Variants in FABP7 observed in about 807,000 individuals in gnomAD.
FABP7 encodes the protein fatty acid-binding protein, brain.
In FABP7, 13 loss-of-function variants were observed where a neutral mutation model predicts 14.2. That is an observed-to-expected ratio of 0.91 (90% CI 0.59 to 1.45). The LOEUF is 1.45. FABP7 is among the 40% of genes most tolerant of loss of function. The pLI is 0.00. For missense variants in FABP7, 149 were observed against 157.6 expected, an observed-to-expected ratio of 0.95 and a Z score of 0.29; for synonymous variants, 49 against 51.4, an observed-to-expected ratio of 0.95 and a Z score of 0.20.
chr6:122,771,309 A>G, the FABP7 span, among the ~76,000 whole-genome samples: 1 of 152,138 alleles, frequency 6.6e-6, no homozygotes, highest in African/African-American at 2.4e-5. Flanking sequence ...AATTCCCTAT[A>G]TGTTGTCCTG....
At chr6:122,777,845 A>AAAATAAATAAATAAATAAAT (rs56666229), upstream of FABP7, among the ~76,000 whole-genome samples, 10,516 of 143,736 alleles carry the variant, frequency 0.073, 607 homozygotes, top group East Asian at 0.21. Context: ...CCTTTCTCCA[A>AAAATAAATAAATAAATAAAT]AAATAAATAA....
upstream of FABP7, among the ~76,000 whole-genome samples, chr6:122,775,800 G>C (rs989575618): frequency 6.6e-6 from 1 of 151,786 alleles, no homozygotes; most frequent in African/African-American, 2.4e-5. Context: ...AAGGGAAGAC[G>C]TAAGAGATTC....
At chr6:122,774,228 G>A in the FABP7 span, among the ~76,000 whole-genome samples, 1 of 151,880 alleles carries the variant, frequency 6.6e-6, no homozygotes, top group African/African-American at 2.4e-5. Flanking sequence ...TGGGCGTGGT[G>A]GTGCATGCCT....
the FABP7 span, among the ~76,000 whole-genome samples, chr6:122,753,506 A>T: frequency 6.6e-6 from 1 of 151,966 alleles, no homozygotes; most frequent in Non-Finnish European, 1.5e-5. Context: ...CCCATCTGTC[A>T]CCTCAAGATG....
rs1780781149 is a variant in FABP7 at position 122,781,413 on chromosome 6, AAG to A, written c.348+223_348+224del. On this transcript the variant is annotated intron_variant, in intron 3 of 3. Coordinates refer to ENST00000368444, the MANE Select transcript of FABP7 (RefSeq NM_001446.5). ...AGCTCAACTTCTTTGATTGTAGAAAAAGAGAAAAATTCATGTGTAGTTAAAAA... is the reference window on the plus strand; with the variant it reads ...AGCTCAACTTCTTTGATTGTAGAAAAAGAAAAATTCATGTGTAGTTAAAAA... 2.8e-6 allele frequency: 4 copies of A among 1,420,930 alleles called. No homozygotes were observed. The South Asian group carries it at 6.6e-5, about 24-fold the overall frequency. The allele number at this position is 1,420,930 out of a possible 1,614,324, so 88.0% of individuals were successfully genotyped here.
At chr6:122,755,459 A>ATTTTTTTTT in the FABP7 span, among the ~76,000 whole-genome samples, 2 of 131,954 alleles carry the variant, frequency 1.5e-5, no homozygotes, top group African/African-American at 2.8e-5. Context: ...TATGTTTTGT[A>ATTTTTTTTT]TTTTTTTTTT....
chr6:122,771,922 G>A, the FABP7 span, among the ~76,000 whole-genome samples: 4 of 152,318 alleles, frequency 2.6e-5, no homozygotes, highest in African/African-American at 7.2e-5. Flanking sequence ...CACATATCAA[G>A]TGGACTTGAT....
chr6:122,760,140 C>A, the FABP7 span, among the ~76,000 whole-genome samples: 1 of 151,966 alleles, frequency 6.6e-6, no homozygotes, highest in African/African-American at 2.4e-5. Flanking sequence ...ATAATTGTAC[C>A]TATTTAAAGT....
At chr6:122,772,327 A>T in the FABP7 span, among the ~76,000 whole-genome samples, 2 of 152,142 alleles carry the variant, frequency 1.3e-5, no homozygotes, top group Admixed American at 6.6e-5. Flanking sequence ...TGGAATATTT[A>T]AATAATGGGA....
At chr6:122,774,166 A>C in the FABP7 span, among the ~76,000 whole-genome samples, 1 of 152,044 alleles carries the variant, frequency 6.6e-6, no homozygotes, top group African/African-American at 2.4e-5. Flanking sequence ...GTTCGAGACC[A>C]GCCTAGCCAA....
chr6:122,764,233 T>C, the FABP7 span, among the ~76,000 whole-genome samples: 2 of 152,160 alleles, frequency 1.3e-5, no homozygotes, highest in Non-Finnish European at 2.9e-5. Context: ...TTCATGTCCT[T>C]TGTAGGGACA....
the FABP7 span, among the ~76,000 whole-genome samples, chr6:122,761,127 T>C: frequency 6.6e-6 from 1 of 152,186 alleles, no homozygotes; most frequent in Non-Finnish European, 1.5e-5. Context: ...TTTCGTTTGC[T>C]TTGAACTTGA....
chr6:122,751,149 G>A, the FABP7 span, among the ~76,000 whole-genome samples: 1 of 152,184 alleles, frequency 6.6e-6, no homozygotes, highest in Non-Finnish European at 1.5e-5. Flanking sequence ...TTGTCAATTA[G>A]TTCCACTTAC....
the FABP7 span, among the ~76,000 whole-genome samples, chr6:122,755,444 C>T: frequency 1.3e-5 from 2 of 149,460 alleles, no homozygotes; most frequent in South Asian, 2.1e-4. Flanking sequence ...TTCTACTCCT[C>T]CCAATATGTT....
chr6:122,781,806 T>G, intron 3 of FABP7: 4 of 684,376 alleles, frequency 5.8e-6, no homozygotes, highest in Non-Finnish European at 7.2e-6. Flanking sequence ...AGGGGGTGCA[T>G]TCTTGGCTCA....
At chr6:122,755,704 G>A in the FABP7 span, among the ~76,000 whole-genome samples, 8 of 151,900 alleles carry the variant, frequency 5.3e-5, no homozygotes, top group African/African-American at 1.4e-4. Flanking sequence ...TGATCTGCCC[G>A]CCTCAGCCTC....
At chr6:122,765,058 A>G in the FABP7 span, among the ~76,000 whole-genome samples, 1 of 152,218 alleles carries the variant, frequency 6.6e-6, no homozygotes, top group Non-Finnish European at 1.5e-5. Flanking sequence ...ATTTTCAAAG[A>G]GAAAAATCTT....
intron 2 of FABP7, 114 bp from the exon 3 acceptor site, chr6:122,780,979 T>A: frequency 8.0e-7 from 1 of 1,244,836 alleles, no homozygotes; most frequent in South Asian, 1.9e-5. Context: ...ATAGGATAAT[T>A]AACTGATCAT....
At chr6:122,760,762 T>C in the FABP7 span, among the ~76,000 whole-genome samples, 1 of 152,138 alleles carries the variant, frequency 6.6e-6, no homozygotes, top group African/African-American at 2.4e-5. Context: ...ATATTGAATT[T>C]AAATGATATT....
Sources: gnomAD v4.1 joint callset for allele counts (sites outside exome capture counted in the v4.1 genomes callset) on GRCh38, gnomAD v4.1.1 for gene constraint, MANE v1.5 for transcripts, NCBI Gene and HGNC (gene_info 2026-07-23, HGNC 2026-07-21) for gene names.